The following CEP112 variants were observed in gnomAD, a reference collection of about 807,000 sequenced individuals.
The protein encoded by CEP112 is centrosomal protein 112, also known as centrosomal protein of 112 kDa.
CEP112 carries 127 observed loss-of-function variants against 153.0 expected under a neutral mutation model. That is an observed-to-expected ratio of 0.83 (90% CI 0.72 to 0.96). The LOEUF is 0.96. CEP112 is among the 40% of genes least tolerant of loss of function. The pLI is 0.00. For missense variants in CEP112, 1,089 were observed against 1,101.2 expected, an observed-to-expected ratio of 0.99 and a Z score of 0.16; for synonymous variants, 358 against 374.4, an observed-to-expected ratio of 0.96 and a Z score of 0.51.
chr17:66,116,863 C>CTTTTT (rs35885142), intron 6 of CEP112, among the ~76,000 whole-genome samples: 4 of 119,182 alleles, frequency 3.4e-5, no homozygotes, highest in Non-Finnish European at 6.8e-5. Flanking sequence ...CTCCAATCTC[C>CTTTTT]TTTTTTTTTT....
At chr17:65,994,149 T>A (rs117854989) in intron 17 of CEP112, among the ~76,000 whole-genome samples, 1 of 152,086 alleles carries the variant, frequency 6.6e-6, no homozygotes, top group African/African-American at 2.4e-5. Flanking sequence ...AAACCCATAA[T>A]CTGAGATGAA....
chr17:65,848,205 A>G (rs74882388), intron 21 of CEP112, among the ~76,000 whole-genome samples: 4,096 of 152,262 alleles, frequency 0.027, 72 homozygotes, highest in Non-Finnish European at 0.047. Context: ...TTCTTTTAAC[A>G]TCGTATTTTC....
intron 12 of CEP112, among the ~76,000 whole-genome samples, chr17:66,033,544 C>A (rs1260688393): frequency 6.6e-6 from 1 of 152,152 alleles, no homozygotes; most frequent in Admixed American, 6.5e-5. Context: ...ATCAAGCTAG[C>A]CTCAAAGCCT....
intron 8 of CEP112, among the ~76,000 whole-genome samples, chr17:66,070,566 A>T (rs549758307): frequency 1.3e-5 from 2 of 152,186 alleles, no homozygotes; most frequent in South Asian, 4.1e-4. Flanking sequence ...CAAGGGAGTG[A>T]CTTTATCTCC....
At chr17:65,675,382 T>G (rs2047178313) in intron 24 of CEP112, among the ~76,000 whole-genome samples, 1 of 152,186 alleles carries the variant, frequency 6.6e-6, no homozygotes, top group Non-Finnish European at 1.5e-5. Context: ...ATTTTTGTAT[T>G]TTTATTAGAG....
chr17:65,979,961 A>G (rs2063170808), intron 17 of CEP112, among the ~76,000 whole-genome samples: 1 of 152,130 alleles, frequency 6.6e-6, no homozygotes, highest in Non-Finnish European at 1.5e-5. Flanking sequence ...ATAATAAAGC[A>G]AGCTAAGGAA....
intron 20 of CEP112, among the ~76,000 whole-genome samples, chr17:65,859,197 A>C (rs1187958416): frequency 6.6e-6 from 1 of 152,140 alleles, no homozygotes. Flanking sequence ...TAGTCTTAGC[A>C]CTTTGAGAGG....
chr17:65,635,632 T>C lies in CEP112; in HGVS notation c.*339A>G, dbSNP rs544248453. 150 of 337,220 alleles carry C rather than the reference T, an allele frequency of 4.4e-4. No homozygotes were observed. The highest frequency in any genetic ancestry group is 7.1e-4 in the Non-Finnish European group (133 of 187,464). 20.9% of individuals were successfully genotyped at this position (337,220 alleles called of 1,614,324 possible). A position where few individuals can be genotyped will look rare whatever the true frequency, so the allele number is the denominator to read the frequency against. ...TTTTGATATGATACTACAAACGTGA[T>C]TTTGATCGTACGCAACTGGTAAAAT... On this transcript the variant is annotated 3_prime_UTR_variant, in exon 27 of 27. Transcript: ENST00000535342.
At chr17:65,971,313 T>C (rs909470347) in intron 17 of CEP112, among the ~76,000 whole-genome samples, 1 of 152,254 alleles carries the variant, frequency 6.6e-6, no homozygotes. Flanking sequence ...ACATGTGTTT[T>C]ACAAGTCTTA....
chr17:65,898,323 C>T (rs1249427223), intron 20 of CEP112, among the ~76,000 whole-genome samples: 1 of 152,098 alleles, frequency 6.6e-6, no homozygotes, highest in Non-Finnish European at 1.5e-5. Flanking sequence ...TGCAGGCACA[C>T]ACTCAGTTTA....
chr17:65,917,707 C>T (rs942479814), intron 19 of CEP112, among the ~76,000 whole-genome samples: 2 of 152,000 alleles, frequency 1.3e-5, no homozygotes, highest in South Asian at 2.1e-4. Flanking sequence ...TCTTTTCTCA[C>T]GAGGCACAGG....
intron 24 of CEP112, among the ~76,000 whole-genome samples, chr17:65,685,005 C>A (rs757269920): frequency 2.6e-5 from 4 of 152,186 alleles, no homozygotes; most frequent in Non-Finnish European, 5.9e-5. Context: ...GAGAAAACAT[C>A]ACGTTTTTGT....
chr17:65,719,505 C>G (rs1459644769), intron 23 of CEP112, among the ~76,000 whole-genome samples: 2 of 152,062 alleles, frequency 1.3e-5, no homozygotes, highest in Non-Finnish European at 2.9e-5. Context: ...TCACTTGAAC[C>G]CTGGAGGCAG....
intron 22 of CEP112, 92 bp from the exon 23 acceptor site, chr17:65,743,309 A>G: frequency 2.1e-6 from 2 of 945,506 alleles, no homozygotes; most frequent in South Asian, 3.7e-5. Context: ...AATGGATTTG[A>G]CAAAACTCTA....
At chr17:65,925,739 AT>A (rs2060899190) in intron 19 of CEP112, among the ~76,000 whole-genome samples, 1 of 152,156 alleles carries the variant, frequency 6.6e-6, no homozygotes, top group Admixed American at 6.6e-5. Context: ...GGCCAATAAA[AT>A]GTGAGTAAAC....
At chr17:66,118,854 A>G (rs1233781538) in intron 6 of CEP112, among the ~76,000 whole-genome samples, 1 of 150,960 alleles carries the variant, frequency 6.6e-6, no homozygotes, top group Non-Finnish European at 1.5e-5. Flanking sequence ...ATGTATCCAT[A>G]ATTAAAAATT....
At chr17:65,900,984 G>T (rs888864589) in intron 20 of CEP112, among the ~76,000 whole-genome samples, 4 of 152,106 alleles carry the variant, frequency 2.6e-5, no homozygotes, top group African/African-American at 9.7e-5. Flanking sequence ...TATTCATATT[G>T]CATCAGTTAT....
chr17:66,144,073 G>GCCACACA (rs2070822264), intron 4 of CEP112, among the ~76,000 whole-genome samples: 2 of 152,208 alleles, frequency 1.3e-5, no homozygotes, highest in African/African-American at 4.8e-5. Flanking sequence ...ATGGAAGACA[G>GCCACACA]CCACACCTGT....
intron 21 of CEP112, among the ~76,000 whole-genome samples, chr17:65,776,007 C>T (rs2145574083): frequency 6.6e-6 from 1 of 152,354 alleles, no homozygotes; most frequent in Middle Eastern, 3.4e-3. Context: ...CAGCCCCTGA[C>T]TTCGAAAAGC....
Sources: allele counts gnomAD v4.1 joint callset (sites outside exome capture counted in the v4.1 genomes callset), GRCh38; gene constraint gnomAD v4.1.1; transcripts MANE v1.5; gene names NCBI Gene and HGNC (gene_info 2026-07-23, HGNC 2026-07-21).